The following ABI3BP variants were observed in gnomAD, a reference collection of about 807,000 sequenced individuals.
ABI3BP encodes target of Nesh-SH3.
In ABI3BP, 216 loss-of-function variants were observed where a neutral mutation model predicts 268.6. The observed-to-expected ratio is 0.80, with a 90% CI of 0.72 to 0.90. ABI3BP has a LOEUF of 0.90. ABI3BP is among the 40% of genes least tolerant of loss of function. ABI3BP has a pLI of 0.00. For missense variants in ABI3BP, 2,090 were observed against 2,182.4 expected, an observed-to-expected ratio of 0.96 and a Z score of 0.84; for synonymous variants, 730 against 730.0, an observed-to-expected ratio of 1.00 and a Z score of 0.00.
chr3:100,953,628 G>T lies in ABI3BP; in HGVS notation c.80-27147C>A, dbSNP rs540685263. ...CGGAGAAAGAAATACTATTTTTTTT[G>T]ACCTCAAAGAGATTACCAGACAGAG... On this transcript the variant is annotated intron_variant, in intron 1 of 67. Transcript: ENST00000471714. 4.6e-4 allele frequency among the ~76,000 whole-genome samples: 64 copies of T among 137,760 alleles called. 1 individual carries two copies. The Middle Eastern group carries it at 0.015, about 32-fold the overall frequency. The allele number at this position is 137,760 out of a possible 152,430, so 90.4% of individuals were successfully genotyped here. A position where few individuals can be genotyped will look rare whatever the true frequency, so the allele number is the denominator to read the frequency against.
At chr3:100,775,752 C>G (rs72930661) in intron 59 of ABI3BP, among the ~76,000 whole-genome samples, 1 of 151,990 alleles carries the variant, frequency 6.6e-6, no homozygotes, top group Non-Finnish European at 1.5e-5. Context: ...CATGCAACAG[C>G]CTGGTGTGTT....
Position 100,838,202 on chromosome 3 carries a change from A to G in ABI3BP, c.2083+8T>C. ...CTGTTAAGCTAAAGCACTGGAAATT[A>G]TGTTTACCGGATTTAGTTGGTGGCA... On this transcript the variant is annotated splice_region_variant and intron_variant, in intron 26 of 67. Transcript: ENST00000471714. The G allele has an allele frequency of 6.5e-7, 1 of 1,533,032 alleles. No individual in the cohort carries two copies. The highest frequency in any genetic ancestry group is 8.7e-7 in the Non-Finnish European group (1 of 1,143,808). 95.0% of individuals were successfully genotyped at this position (1,533,032 alleles called of 1,614,324 possible). A position where few individuals can be genotyped will look rare whatever the true frequency, so the allele number is the denominator to read the frequency against.
chr3:100,755,923 A>G (rs1181489713), intron 63 of ABI3BP, among the ~76,000 whole-genome samples: 3 of 152,244 alleles, frequency 2.0e-5, no homozygotes, highest in African/African-American at 4.8e-5. Flanking sequence ...TTTATAAACA[A>G]GTGAAAAATG....
chr3:100,886,948 T>C (rs1403959301), intron 4 of ABI3BP, among the ~76,000 whole-genome samples: 1 of 152,132 alleles, frequency 6.6e-6, no homozygotes, highest in East Asian at 1.9e-4. Context: ...TATTCATATA[T>C]ACATAAATAT....
At chr3:100,796,102 G>T (rs562413048) in intron 52 of ABI3BP, among the ~76,000 whole-genome samples, 1 of 152,098 alleles carries the variant, frequency 6.6e-6, no homozygotes, top group Non-Finnish European at 1.5e-5. Context: ...TTACTTAAAA[G>T]TACATCCATA....
chr3:100,827,300 T>G (rs1427010322), intron 34 of ABI3BP, among the ~76,000 whole-genome samples: 1 of 152,148 alleles, frequency 6.6e-6, no homozygotes, highest in Admixed American at 6.6e-5. Context: ...GCAGGTCTCT[T>G]CTAAACTGAC....
chr3:100,908,378 C>T (rs536680352), intron 2 of ABI3BP, among the ~76,000 whole-genome samples: 1 of 152,236 alleles, frequency 6.6e-6, no homozygotes, highest in South Asian at 2.1e-4. Flanking sequence ...TTCCTATACA[C>T]CAATAACAGA....
At chr3:100,837,071 G>A in intron 27 of ABI3BP, 53 bp downstream of exon 27, 1 of 1,439,212 alleles carries the variant, frequency 6.9e-7, no homozygotes, top group South Asian at 1.3e-5. Context: ...AAAAAGAGAT[G>A]AGAGGCGCAA....
intron 14 of ABI3BP, among the ~76,000 whole-genome samples, chr3:100,855,792 A>G (rs1437639299): frequency 6.6e-6 from 1 of 152,250 alleles, no homozygotes; most frequent in East Asian, 1.9e-4. Flanking sequence ...GAGCAATGAG[A>G]AAAATACAGC....
chr3:100,901,521 T>C (rs2050302879), intron 3 of ABI3BP, among the ~76,000 whole-genome samples: 1 of 152,128 alleles, frequency 6.6e-6, no homozygotes, highest in Non-Finnish European at 1.5e-5. Flanking sequence ...CCCAGCACTT[T>C]GGGAGAGCGA....
chr3:100,887,534 C>T (rs2042544625), intron 4 of ABI3BP, among the ~76,000 whole-genome samples: 1 of 152,016 alleles, frequency 6.6e-6, no homozygotes, highest in Non-Finnish European at 1.5e-5. Flanking sequence ...ACTTCATCTG[C>T]TTTTTATTTT....
At chr3:100,875,632 G>A (rs2099154471) in intron 7 of ABI3BP, 53 bp from the exon 8 acceptor site, 2 of 1,312,678 alleles carry the variant, frequency 1.5e-6, no homozygotes, top group African/African-American at 2.9e-5. Context: ...GAGGCAGTAA[G>A]AAGCTAATAA....
chr3:100,925,800 T>C (rs1226238367), intron 2 of ABI3BP, among the ~76,000 whole-genome samples: 1 of 152,120 alleles, frequency 6.6e-6, no homozygotes, highest in Non-Finnish European at 1.5e-5. Context: ...TCAATTTACA[T>C]TTTAACATAA....
chr3:100,848,169 A>G (rs2098795560), intron 18 of ABI3BP, among the ~76,000 whole-genome samples: 1 of 152,174 alleles, frequency 6.6e-6, no homozygotes, highest in African/African-American at 2.4e-5. Context: ...AACCAGAGTC[A>G]TGTCCTCTCT....
chr3:100,869,409 T>C (rs542388796), intron 9 of ABI3BP, among the ~76,000 whole-genome samples: 4 of 142,688 alleles, frequency 2.8e-5, no homozygotes, highest in Non-Finnish European at 4.5e-5. Flanking sequence ...ATGATAATAG[T>C]TCACTGCAGC....
intron 3 of ABI3BP, among the ~76,000 whole-genome samples, chr3:100,899,447 C>A (rs1420375278): frequency 6.6e-6 from 1 of 152,070 alleles, no homozygotes; most frequent in African/African-American, 2.4e-5. Flanking sequence ...ATATATTTTA[C>A]AATGAGTATC....
chr3:100,953,350 T>A (rs568680640), intron 1 of ABI3BP, among the ~76,000 whole-genome samples: 1 of 152,132 alleles, frequency 6.6e-6, no homozygotes, highest in Non-Finnish European at 1.5e-5. Flanking sequence ...GCTCACAGAA[T>A]CAAGGTCAGA....
At chr3:100,807,077 T>G (rs1319449515) in intron 50 of ABI3BP, among the ~76,000 whole-genome samples, 1 of 152,036 alleles carries the variant, frequency 6.6e-6, no homozygotes, top group Non-Finnish European at 1.5e-5. Context: ...ACATTCAAGT[T>G]TTCATGGTTT....
intron 1 of ABI3BP, among the ~76,000 whole-genome samples, chr3:100,954,849 G>C (rs2076269788): frequency 6.6e-6 from 1 of 151,646 alleles, no homozygotes; most frequent in Middle Eastern, 3.2e-3. Flanking sequence ...AAATCCACAA[G>C]ACATAAAAGC....
Sources: allele counts gnomAD v4.1 joint callset (sites outside exome capture counted in the v4.1 genomes callset), GRCh38; gene constraint gnomAD v4.1.1; transcripts MANE v1.5; gene names NCBI Gene and HGNC (gene_info 2026-07-23, HGNC 2026-07-21).